The following ZBTB20 variants were observed in gnomAD, a reference collection of about 807,000 sequenced individuals.
ZBTB20 encodes the protein zinc finger and BTB domain-containing protein 20.
ZBTB20 carries 9 observed loss-of-function variants against 56.9 expected under a neutral mutation model. The observed-to-expected ratio is 0.16, with a 90% CI of 0.10 to 0.28. The LOEUF is 0.28. ZBTB20 is among the 10% of genes least tolerant of loss of function. The pLI is 1.00. For missense variants in ZBTB20, 655 were observed against 1,003.0 expected, an observed-to-expected ratio of 0.65 and a Z score of 4.69; for synonymous variants, 417 against 420.7, an observed-to-expected ratio of 0.99 and a Z score of 0.11.
At chr3:115,096,918 A>C (rs1324930423) in intron 1 of ZBTB20, among the ~76,000 whole-genome samples, 1 of 152,236 alleles carries the variant, frequency 6.6e-6, no homozygotes, top group East Asian at 1.9e-4. Flanking sequence ...AATGCCATTT[A>C]TTTGTTAACA....
At chr3:114,422,068 G>A (rs2089228651) in intron 7 of ZBTB20, among the ~76,000 whole-genome samples, 1 of 152,136 alleles carries the variant, frequency 6.6e-6, no homozygotes, top group Non-Finnish European at 1.5e-5. Context: ...GAACACACAA[G>A]TAGATGAAGT....
chr3:114,362,801 T>A (rs2082026011), intron 10 of ZBTB20, among the ~76,000 whole-genome samples: 1 of 152,152 alleles, frequency 6.6e-6, no homozygotes, highest in Admixed American at 6.5e-5. Context: ...AGATGACCAA[T>A]CTATGATGTG....
chr3:114,880,367 CCCA>C, intron 4 of ZBTB20, among the ~76,000 whole-genome samples: 1 of 152,102 alleles, frequency 6.6e-6, no homozygotes, highest in African/African-American at 2.4e-5. Flanking sequence ...TTGACCTCTT[CCCA>C]CCTCTTTGTA....
At chr3:114,638,746 T>C (rs1182945924) in intron 6 of ZBTB20, among the ~76,000 whole-genome samples, 1 of 152,076 alleles carries the variant, frequency 6.6e-6, no homozygotes, top group Non-Finnish European at 1.5e-5. Context: ...AAAAATTATA[T>C]GACAAAAATT....
At chr3:114,697,064 A>T (rs1443868597) in intron 5 of ZBTB20, among the ~76,000 whole-genome samples, 1 of 141,358 alleles carries the variant, frequency 7.1e-6, no homozygotes, top group Non-Finnish European at 1.5e-5. Context: ...ACTTTGTTAA[A>T]AAAAAAAAAA....
intron 5 of ZBTB20, among the ~76,000 whole-genome samples, chr3:114,695,729 A>T (rs376376158): frequency 6.6e-5 from 10 of 152,134 alleles, no homozygotes; most frequent in Admixed American, 4.6e-4. Context: ...AATCATATTA[A>T]AATTACATCA....
At chr3:114,616,600 C>T (rs1577978143) in intron 6 of ZBTB20, among the ~76,000 whole-genome samples, 1 of 152,124 alleles carries the variant, frequency 6.6e-6, no homozygotes, top group Middle Eastern at 3.4e-3. Context: ...TATAAAGGAC[C>T]TTCTCCCTTT....
chr3:114,478,172 G>T (rs1374786474), intron 7 of ZBTB20, among the ~76,000 whole-genome samples: 2 of 151,744 alleles, frequency 1.3e-5, no homozygotes, highest in African/African-American at 4.9e-5. Flanking sequence ...CTCCATGTTG[G>T]TCAGGCTGGT....
At chr3:114,544,908 T>C (rs2049682136) in intron 6 of ZBTB20, among the ~76,000 whole-genome samples, 1 of 152,206 alleles carries the variant, frequency 6.6e-6, no homozygotes, top group African/African-American at 2.4e-5. Flanking sequence ...TGGAAGATAG[T>C]ATGTCTAGGA....
chr3:114,610,445 AC>A (rs1302211143), intron 6 of ZBTB20, among the ~76,000 whole-genome samples: 1 of 152,124 alleles, frequency 6.6e-6, no homozygotes, highest in African/African-American at 2.4e-5. Context: ...TTTTCCAAAC[AC>A]CCTTTCTCTA....
At chr3:114,555,388 C>T (rs761711679) in intron 6 of ZBTB20, among the ~76,000 whole-genome samples, 10 of 151,982 alleles carry the variant, frequency 6.6e-5, no homozygotes, top group Non-Finnish European at 1.2e-4. Flanking sequence ...TCACGCCTGT[C>T]GACATCCCAG....
intron 3 of ZBTB20, among the ~76,000 whole-genome samples, chr3:114,912,130 G>GA (rs10575416): frequency 0.039 from 5,261 of 136,564 alleles, 331 homozygotes; most frequent in African/African-American, 0.14. Flanking sequence ...AGTGCTAAAA[G>GA]AAAAAAAAAA....
At chr3:114,568,772 A>G (rs1225382990) in intron 6 of ZBTB20, among the ~76,000 whole-genome samples, 2 of 152,244 alleles carry the variant, frequency 1.3e-5, no homozygotes, top group Non-Finnish European at 2.9e-5. Flanking sequence ...TTCTCCACTG[A>G]GTGAAGAAGT....
chr3:114,806,217 T>C (rs986919756), intron 4 of ZBTB20, among the ~76,000 whole-genome samples: 10 of 151,912 alleles, frequency 6.6e-5, no homozygotes, highest in African/African-American at 9.7e-5. Context: ...CCTGGTAATA[T>C]AGGAGGCTTC....
At chr3:114,589,481 T>C (rs113227402) in intron 6 of ZBTB20, among the ~76,000 whole-genome samples, 50 of 152,314 alleles carry the variant, frequency 3.3e-4, no homozygotes, top group African/African-American at 1.2e-3. Flanking sequence ...TTCTGTCCTA[T>C]TCTGTGGAAA....
chr3:115,032,958 T>TAAAAAAAAAAAAA (rs77048136), intron 2 of ZBTB20, among the ~76,000 whole-genome samples: 4 of 56,522 alleles, frequency 7.1e-5, no homozygotes, highest in Non-Finnish European at 1.5e-4. Context: ...CCTAAGGAAC[T>TAAAAAAAAAAAAA]AAAAAAAAAA....
At chr3:114,755,839 A>G (rs533182990) in intron 5 of ZBTB20, among the ~76,000 whole-genome samples, 1 of 152,284 alleles carries the variant, frequency 6.6e-6, no homozygotes, top group East Asian at 1.9e-4. Context: ...TTGGAAAACT[A>G]AGAGCTGTTT....
In ZBTB20 at chr3:114,809,156, AT is replaced by A. The variant is rs961084509; in HGVS notation, c.-416-7983del. Among the ~76,000 whole-genome samples the A allele has an allele frequency of 2.0e-5, 3 of 151,642 alleles. No individual in the cohort carries two copies. In the South Asian group the frequency reaches 6.3e-4, roughly 32 times the overall value. ...TTGACTATAATGTGTCTATGTACAG[AT>A]TTTTTTTGTGTTTATCCAACATGGA... On this transcript the variant is annotated intron_variant, in intron 4 of 11. Transcript: ENST00000675478.
intron 7 of ZBTB20, among the ~76,000 whole-genome samples, chr3:114,452,953 C>T (rs2091726519): frequency 1.3e-5 from 1 of 77,430 alleles, no homozygotes; most frequent in African/African-American, 2.8e-5. Flanking sequence ...CATATAAATG[C>T]ATTAAGAGGA....
Sources: gnomAD v4.1 joint callset for allele counts (sites outside exome capture counted in the v4.1 genomes callset) on GRCh38, gnomAD v4.1.1 for gene constraint, MANE v1.5 for transcripts, NCBI Gene and HGNC (gene_info 2026-07-23, HGNC 2026-07-21) for gene names.